Variants in LMBR1 observed in about 807,000 individuals in gnomAD.
LMBR1 encodes the protein limb region 1 protein homolog.
LMBR1 carries 52 observed loss-of-function variants against 73.9 expected under a neutral mutation model. That is an observed-to-expected ratio of 0.70 (90% CI 0.56 to 0.89). LMBR1 has a LOEUF of 0.89. Ranked by LOEUF, LMBR1 falls within the 40% of genes least tolerant of loss-of-function variation. LMBR1 has a pLI of 0.00. For missense variants in LMBR1, 539 were observed against 579.8 expected (o/e 0.93, Z 0.72); for synonymous variants, 215 against 209.4 (o/e 1.03, Z -0.23).
chr7:156,837,802 T>TTC (rs1554545293), intron 1 of LMBR1, among the ~76,000 whole-genome samples: 2 of 151,238 alleles, frequency 1.3e-5, no homozygotes, highest in Admixed American at 6.6e-5. Flanking sequence ...TTTTTTTTTT[T>TTC]CTGAGACAGG....
chr7:156,686,956 G>C (rs1339611953), intron 16 of LMBR1, among the ~76,000 whole-genome samples: 1 of 152,168 alleles, frequency 6.6e-6, no homozygotes, highest in East Asian at 1.9e-4. Flanking sequence ...GCTGAAATGA[G>C]CTGTGACTTT....
chr7:156,750,527 G>T (rs567298916), intron 9 of LMBR1, among the ~76,000 whole-genome samples: 1 of 152,204 alleles, frequency 6.6e-6, no homozygotes, highest in South Asian at 2.1e-4. Flanking sequence ...CTCAACGTTG[G>T]TGTGTCCTTG....
At chr7:156,786,440 C>T (rs1032441121) in intron 5 of LMBR1, among the ~76,000 whole-genome samples, 1 of 152,108 alleles carries the variant, frequency 6.6e-6, no homozygotes, top group Admixed American at 6.6e-5. Flanking sequence ...TCTAGAATAA[C>T]TGAATAGTAA....
At chr7:156,711,698 G>A (rs895793956) in intron 15 of LMBR1, among the ~76,000 whole-genome samples, 3 of 151,986 alleles carry the variant, frequency 2.0e-5, no homozygotes, top group Admixed American at 6.6e-5. Flanking sequence ...ATAAAGCCAC[G>A]TATTTACAGC....
At chr7:156,744,871 C>CT (rs1313369749) in intron 9 of LMBR1, among the ~76,000 whole-genome samples, 2 of 152,186 alleles carry the variant, frequency 1.3e-5, no homozygotes, top group African/African-American at 2.4e-5. Flanking sequence ...TTTTCTAGCC[C>CT]TTGAGGGCCA....
intron 1 of LMBR1, among the ~76,000 whole-genome samples, chr7:156,866,522 C>A (rs990281815): frequency 6.6e-6 from 1 of 150,864 alleles, no homozygotes; most frequent in Middle Eastern, 3.4e-3. Context: ...TTGCAATAAA[C>A]CCTGTTACAG....
intron 3 of LMBR1, among the ~76,000 whole-genome samples, chr7:156,830,746 C>T (rs1439287738): frequency 6.6e-6 from 1 of 152,226 alleles, no homozygotes; most frequent in Non-Finnish European, 1.5e-5. Context: ...AGCGGTAACA[C>T]TGTCAGGATC....
chr7:156,791,054 A>G (rs1442046712), intron 5 of LMBR1, among the ~76,000 whole-genome samples: 1 of 152,228 alleles, frequency 6.6e-6, no homozygotes, highest in African/African-American at 2.4e-5. Flanking sequence ...CTATTAATAA[A>G]TTGCTCTATG....
At chr7:156,789,461 A>G (rs1409683534) in intron 5 of LMBR1, among the ~76,000 whole-genome samples, 1 of 152,194 alleles carries the variant, frequency 6.6e-6, no homozygotes, top group Admixed American at 6.5e-5. Context: ...CTATCAAACA[A>G]TCTTACTGCC....
At chr7:156,735,597 G>T (rs1585454284) in intron 9 of LMBR1, among the ~76,000 whole-genome samples, 1 of 149,358 alleles carries the variant, frequency 6.7e-6, no homozygotes. Context: ...GAGACTGGGA[G>T]GTTCTGTTTG....
At chr7:156,864,991 G>T (rs1420514100) in intron 1 of LMBR1, among the ~76,000 whole-genome samples, 2 of 129,842 alleles carry the variant, frequency 1.5e-5, no homozygotes, top group Non-Finnish European at 3.2e-5. Context: ...GCGAGACTCT[G>T]TCTCAAAAAA....
chr7:156,830,727 T>G (rs1162333184), intron 3 of LMBR1, among the ~76,000 whole-genome samples: 1 of 152,214 alleles, frequency 6.6e-6, no homozygotes, highest in Non-Finnish European at 1.5e-5. Flanking sequence ...TCTAAACTAG[T>G]GATTCTTAAG....
chr7:156,826,787 C>T (rs1333229710), intron 3 of LMBR1, 43 bp from the exon 4 acceptor site: 1 of 1,545,342 alleles, frequency 6.5e-7, no homozygotes, highest in Non-Finnish European at 8.8e-7. Context: ...TCTGAAAAAG[C>T]AATGAACACG....
rs569074168 is a variant in LMBR1, at chr7:156,725,446, T to C, written c.1147A>G (p.Thr383Ala). The stretch of plus-strand genomic sequence containing the variant: ...AGATTCTACCTTACCTTTGTCATAG[T>C]TGTGTCATCTTTCTTGGGAGTAAAG... ...GNFTPKKDDT[T>A]MTKIIGNCVS... The change falls in exon 14 of 17, where the codon ACT becomes GCT. Residue 383 changes from threonine (T) to alanine (A), a missense_variant. Thr to Ala is a moderately conservative substitution (Grantham distance 58). This residue lies in a region of LMBR1 where 454 missense variants were observed against 473.4 expected (regional missense o/e 0.96). Coordinates refer to ENST00000353442, the MANE Select transcript of LMBR1 (RefSeq NM_022458.4). The C allele has an allele frequency of 1.7e-5, 27 of 1,603,824 alleles. No individual in the cohort carries two copies. The highest frequency in any genetic ancestry group is 8.9e-5 in the South Asian group (8 of 90,140).
chr7:156,892,895 G>A, intron 1 of LMBR1, 33 bp downstream of exon 1: 1 of 1,423,908 alleles, frequency 7.0e-7, no homozygotes, highest in South Asian at 1.4e-5. Flanking sequence ...GCGGGCACGC[G>A]GGACTGTCAG....
At chr7:156,759,945 G>C (rs1243027281) in intron 8 of LMBR1, among the ~76,000 whole-genome samples, 2 of 152,196 alleles carry the variant, frequency 1.3e-5, no homozygotes, top group Non-Finnish European at 2.9e-5. Context: ...ATATGAGCCA[G>C]AGTGGCAGGG....
At chr7:156,876,868 C>G (rs1800250977) in intron 1 of LMBR1, among the ~76,000 whole-genome samples, 1 of 152,006 alleles carries the variant, frequency 6.6e-6, no homozygotes, top group Non-Finnish European at 1.5e-5. Context: ...ATCAAAAAGT[C>G]TGAAAGAGCA....
At chr7:156,676,138 AG>A, downstream of LMBR1, 1 of 957,644 alleles carries the variant, frequency 1.0e-6, no homozygotes, top group Non-Finnish European at 1.5e-6. Context: ...GTGACGGCAA[AG>A]GTCCCTTCAG....
intron 8 of LMBR1, among the ~76,000 whole-genome samples, chr7:156,759,244 C>G (rs1822514014): frequency 2.0e-5 from 3 of 152,192 alleles, no homozygotes; most frequent in Admixed American, 1.3e-4. Flanking sequence ...TATCTGACAG[C>G]TTAAATTACC....
Sources: gnomAD v4.1 joint callset for allele counts (sites outside exome capture counted in the v4.1 genomes callset) on GRCh38, gnomAD v4.1.1 for gene constraint, gnomAD v4.1.1 regional missense constraint, MANE v1.5 for transcripts, NCBI Gene and HGNC (gene_info 2026-07-23, HGNC 2026-07-21) for gene names.